Variants in TNIK observed in about 807,000 individuals in gnomAD.
The protein encoded by TNIK is TRAF2 and NCK-interacting protein kinase.
TNIK carries 49 observed loss-of-function variants against 191.3 expected under a neutral mutation model. The observed-to-expected ratio is 0.26, with a 90% CI of 0.20 to 0.32. TNIK has a LOEUF of 0.32. Ranked by LOEUF, TNIK falls within the 10% of genes least tolerant of loss-of-function variation. The pLI is 1.00. For missense variants in TNIK, 1,155 were observed against 1,702.3 expected (o/e 0.68, Z 5.66); for synonymous variants, 594 against 600.9 (o/e 0.99, Z 0.17).
At chr3:171,313,239 G>GCTTTCTTTCTTTCTTT (rs71762733) in intron 2 of TNIK, among the ~76,000 whole-genome samples, 6 of 150,276 alleles carry the variant, frequency 4.0e-5, no homozygotes, top group African/African-American at 1.5e-4. Flanking sequence ...CCAACATTTA[G>GCTTTCTTTCTTTCTTT]CTTTCTTTCT....
intron 2 of TNIK, among the ~76,000 whole-genome samples, chr3:171,308,456 T>C (rs1317854738): frequency 1.3e-5 from 2 of 151,960 alleles, no homozygotes; most frequent in Admixed American, 6.6e-5. Context: ...ACTATAAAAA[T>C]CCTTGAAGAA....
intron 30 of TNIK, among the ~76,000 whole-genome samples, chr3:171,068,029 T>G (rs1718693341): frequency 6.6e-6 from 1 of 152,212 alleles, no homozygotes; most frequent in Non-Finnish European, 1.5e-5. Flanking sequence ...CAGCGGTAGC[T>G]TCAAACATTC....
chr3:171,066,616 C>T lies in TNIK; in HGVS notation c.3819G>A (p.Lys1273=). Residue 1273 remains lysine (K), a synonymous_variant, in exon 31 of 33, where the codon AAG becomes AAA. Coordinates refer to ENST00000436636, the MANE Select transcript of TNIK (RefSeq NM_015028.4). The part of the protein sequence containing the change: ...VYVNTYGRIT[K]DVVLQWGEMP... ...TTTCTCCCCATTGGAGCACCACATCCTTAGTTATCCGGCCATAGGTGTTTA... is the reference window on the plus strand; with the variant it reads ...TTTCTCCCCATTGGAGCACCACATCTTTAGTTATCCGGCCATAGGTGTTTA... 1 of 1,613,818 alleles carries T rather than the reference C, an allele frequency of 6.2e-7. No homozygotes were observed. Among genetic ancestry groups the T allele is most frequent in the Non-Finnish European group, 8.5e-7 (1 of 1,179,864 alleles).
chr3:171,329,708 T>C (rs1050086773), intron 2 of TNIK, among the ~76,000 whole-genome samples: 2 of 152,262 alleles, frequency 1.3e-5, no homozygotes, highest in Non-Finnish European at 2.9e-5. Flanking sequence ...GAAAAAAGCC[T>C]AGTAAAGTCA....
intron 2 of TNIK, among the ~76,000 whole-genome samples, chr3:171,280,575 T>C (rs1396556507): frequency 6.6e-6 from 1 of 152,172 alleles, no homozygotes; most frequent in Non-Finnish European, 1.5e-5. Flanking sequence ...TTTCAAATCT[T>C]GGTTCCTTTT....
At chr3:171,335,873 A>T (rs1756906219) in intron 2 of TNIK, among the ~76,000 whole-genome samples, 1 of 152,196 alleles carries the variant, frequency 6.6e-6, no homozygotes, top group African/African-American at 2.4e-5. Context: ...TTTAGAATGT[A>T]TCATTTTACA....
At chr3:171,368,597 T>A (rs11923001) in intron 2 of TNIK, among the ~76,000 whole-genome samples, 3,052 of 152,268 alleles carry the variant, frequency 0.02, 93 homozygotes, top group African/African-American at 0.068. Flanking sequence ...AAACCTCTCG[T>A]AAATAAACAT....
chr3:171,087,653 A>T (rs938584700), intron 23 of TNIK, 147 bp from the exon 24 acceptor site: 4 of 934,406 alleles, frequency 4.3e-6, no homozygotes, highest in Non-Finnish European at 6.3e-6. Context: ...TATTTTACTT[A>T]AGAAAACAAA....
chr3:171,459,419 G>A (rs1179498458), intron 1 of TNIK, among the ~76,000 whole-genome samples: 2 of 152,210 alleles, frequency 1.3e-5, no homozygotes, highest in African/African-American at 4.8e-5. Flanking sequence ...ATTTAAGGGA[G>A]CGCTGAGAGG....
intron 26 of TNIK, 37 bp from the exon 27 acceptor site, chr3:171,082,431 A>C (rs1288328332): frequency 1.9e-6 from 3 of 1,599,042 alleles, no homozygotes; most frequent in Non-Finnish European, 2.6e-6. Context: ...CTGACTTTTC[A>C]TGAACTTTAA....
At chr3:171,417,801 C>T (rs1207664209) in intron 1 of TNIK, among the ~76,000 whole-genome samples, 1 of 152,172 alleles carries the variant, frequency 6.6e-6, no homozygotes, top group East Asian at 1.9e-4. Context: ...AATCAAAGGG[C>T]TTTGAAAGAC....
rs113705704 is a variant in TNIK, at chr3:171,312,443, T to C, written c.123+57177A>G. ...AGGGTGGTAGCCTGACTATTTAGAA[T>C]AACTGCCCTCCGTTAGGTCTCAGAT... On this transcript the variant is annotated intron_variant, in intron 2 of 32. Transcript: ENST00000436636. 1.5e-3 allele frequency among the ~76,000 whole-genome samples: 223 copies of C among 152,218 alleles called. 1 individual carries two copies. The highest frequency in any genetic ancestry group is 5.2e-3 in the African/African-American group (217 of 41,550).
At chr3:171,418,529 T>C (rs966607522) in intron 1 of TNIK, among the ~76,000 whole-genome samples, 5 of 152,162 alleles carry the variant, frequency 3.3e-5, no homozygotes, top group African/African-American at 1.2e-4. Context: ...AGTGAAATAC[T>C]CATACATGCT....
intron 5 of TNIK, 119 bp downstream of exon 5, chr3:171,194,406 G>T: frequency 1.1e-6 from 1 of 881,106 alleles, no homozygotes; most frequent in South Asian, 1.7e-5. Flanking sequence ...AACTTTTAAA[G>T]GGTTTTTGAT....
chr3:171,436,048 G>A (rs1481630238), intron 1 of TNIK, among the ~76,000 whole-genome samples: 1 of 150,378 alleles, frequency 6.6e-6, no homozygotes, highest in African/African-American at 2.4e-5. Context: ...TACATCAATG[G>A]CATTCTCATC....
chr3:171,194,506 G>A lies in TNIK; in HGVS notation c.417+19C>T. 6.2e-7 allele frequency: 1 copy of A among 1,605,670 alleles called. No homozygotes were observed. Among genetic ancestry groups the A allele is most frequent in the South Asian group, 1.1e-5 (1 of 90,522 alleles). Reference sequence around the variant, plus strand: ...CTTGAAGACTTTGGGAGGTGGGCCAGTCCCCACTCGTAACCTACCCGTAAG... The same window carrying A: ...CTTGAAGACTTTGGGAGGTGGGCCAATCCCCACTCGTAACCTACCCGTAAG... On this transcript the variant is annotated intron_variant, in intron 5 of 32. Transcript: ENST00000436636.
chr3:171,240,337 G>C (rs1744805091), intron 2 of TNIK, among the ~76,000 whole-genome samples: 1 of 152,196 alleles, frequency 6.6e-6, no homozygotes, highest in Admixed American at 6.5e-5. Context: ...ACGAGGAAAG[G>C]CTTTGAAAGA....
At chr3:171,354,890 A>G (rs1483634736) in intron 2 of TNIK, among the ~76,000 whole-genome samples, 1 of 152,182 alleles carries the variant, frequency 6.6e-6, no homozygotes, top group Non-Finnish European at 1.5e-5. Context: ...TAAATCTCCT[A>G]TGCTTCTAGA....
intron 10 of TNIK, among the ~76,000 whole-genome samples, chr3:171,163,878 A>AG (rs1734295749): frequency 6.6e-6 from 1 of 152,222 alleles, no homozygotes; most frequent in African/African-American, 2.4e-5. Context: ...AGCATATGTT[A>AG]GGGAAAAAAT....
Sources: gnomAD v4.1 joint callset for allele counts (sites outside exome capture counted in the v4.1 genomes callset) on GRCh38, gnomAD v4.1.1 for gene constraint, MANE v1.5 for transcripts, NCBI Gene and HGNC (gene_info 2026-07-23, HGNC 2026-07-21) for gene names.